SI: variants seen among roughly 807,000 people sequenced by gnomAD.
SI encodes the protein sucrase-isomaltase, intestinal.
A neutral mutation model predicts 253.3 loss-of-function variants in SI; 235 were observed. The ratio of observed to expected loss-of-function variants is 0.93; its 90% CI spans 0.83 to 1.03. The LOEUF is 1.03. Among genes scored for constraint, SI ranks in the 50% least tolerant of loss-of-function variants. The pLI, the probability that SI is intolerant of heterozygous loss-of-function variation, is 0.00. For synonymous variants in SI, 819 were observed against 712.0 expected (o/e 1.15, Z -2.39); for missense variants, 2,442 against 2,211.1 (o/e 1.10, Z -2.09).
At chr3:164,994,810 A>G (rs1276070608) in intron 40 of SI, among the ~76,000 whole-genome samples, 3 of 151,664 alleles carry the variant, frequency 2.0e-5, no homozygotes, top group African/African-American at 4.8e-5. Flanking sequence ...GTGACCATGC[A>G]CATTGTGGGT....
intron 12 of SI, among the ~76,000 whole-genome samples, chr3:165,057,675 G>T (rs1342820796): frequency 6.6e-5 from 10 of 150,558 alleles, no homozygotes; most frequent in Admixed American, 5.3e-4. Flanking sequence ...GGAGAGAGTG[G>T]CATGACATAT....
At chr3:165,032,928 T>C (rs1712327608) in intron 23 of SI, among the ~76,000 whole-genome samples, 2 of 151,488 alleles carry the variant, frequency 1.3e-5, no homozygotes, top group Non-Finnish European at 3.0e-5. Flanking sequence ...AACACATATA[T>C]ACTCATTCTA....
chr3:165,072,595 A>G (rs144700864), intron 3 of SI, among the ~76,000 whole-genome samples: 169 of 152,112 alleles, frequency 1.1e-3, no homozygotes, highest in African/African-American at 3.8e-3. Context: ...TAATAGAAAA[A>G]TGCTACCTTG....
intron 24 of SI, among the ~76,000 whole-genome samples, chr3:165,032,308 T>C (rs1712290581): frequency 6.6e-6 from 1 of 151,046 alleles, no homozygotes; most frequent in Admixed American, 6.6e-5. Context: ...AGCAAGGAAT[T>C]CCCTTCATGT....
At chr3:165,001,431 G>C (rs942482097) in intron 37 of SI, among the ~76,000 whole-genome samples, 1 of 151,440 alleles carries the variant, frequency 6.6e-6, no homozygotes, top group Non-Finnish European at 1.5e-5. Context: ...CATTAGATCA[G>C]AAAATGTAAT....
At chr3:165,032,948 TTGA>T (rs1712329783) in intron 23 of SI, among the ~76,000 whole-genome samples, 1 of 151,386 alleles carries the variant, frequency 6.6e-6, no homozygotes, top group Non-Finnish European at 1.5e-5. Context: ...AGTCCTAACA[TTGA>T]TGAAGAATAA....
At chr3:165,056,879 G>C (rs1392239868) in intron 12 of SI, among the ~76,000 whole-genome samples, 1 of 152,026 alleles carries the variant, frequency 6.6e-6, no homozygotes, top group African/African-American at 2.4e-5. Flanking sequence ...GCAAAAACAA[G>C]CCTAGACTGT....
upstream of SI, among the ~76,000 whole-genome samples, chr3:165,078,671 G>T (rs146486438): frequency 1.3e-5 from 2 of 151,536 alleles, no homozygotes; most frequent in Non-Finnish European, 3.0e-5. Context: ...ATTAGTAATT[G>T]TACTGTCAGA....
At chr3:165,026,124 A>G (rs1165653320) in intron 25 of SI, among the ~76,000 whole-genome samples, 1 of 151,230 alleles carries the variant, frequency 6.6e-6, no homozygotes, top group African/African-American at 2.4e-5. Flanking sequence ...CAAACTCAAG[A>G]TAAAGGGGTA....
chr3:164,984,983 A>T (rs1331784069), intron 45 of SI, among the ~76,000 whole-genome samples: 1 of 152,212 alleles, frequency 6.6e-6, no homozygotes, highest in Non-Finnish European at 1.5e-5. Context: ...ATACTAAATT[A>T]TACCAAATAT....
At position 165,055,255 on chromosome 3, in the gene SI, T is replaced by C; in HGVS notation, c.1451A>G (p.Asp484Gly). ...YPDFTNPNCI[D>G]WWANECSIFH... ...AATACTGCATTCATTTGCCCACCAA[T>C]CAATGCAGTTTGGGTTAGTGAAATC... Residue 484 changes from aspartate to glycine, a missense_variant, in exon 13 of 48, where the codon GAT (aspartate) becomes GGT (glycine). By Grantham distance (94) the Asp-to-Gly change is moderately conservative. Transcript: ENST00000264382. 1 of 1,612,004 alleles carries C rather than the reference T, an allele frequency of 6.2e-7. No individual in the cohort carries two copies. Among genetic ancestry groups the C allele is most frequent in the South Asian group, 1.1e-5 (1 of 91,054 alleles).
intron 7 of SI, among the ~76,000 whole-genome samples, chr3:165,064,094 A>C (rs1170008983): frequency 6.6e-6 from 1 of 151,530 alleles, no homozygotes; most frequent in Admixed American, 6.6e-5. Context: ...AAAATAAAAA[A>C]TAAAAATAAA....
At chr3:165,016,772 G>T (rs1008510719) in intron 31 of SI, among the ~76,000 whole-genome samples, 6 of 151,780 alleles carry the variant, frequency 4.0e-5, no homozygotes, top group African/African-American at 1.4e-4. Context: ...TCTTCTATGT[G>T]TTATAGAAAG....
chr3:164,989,413 A>AAAG (rs1717615889), intron 44 of SI, among the ~76,000 whole-genome samples: 1 of 149,046 alleles, frequency 6.7e-6, no homozygotes, highest in Non-Finnish European at 1.5e-5. Context: ...AGAAAGAAAG[A>AAAG]AAGAAAGAAA....
chr3:164,979,567 T>G, intron 47 of SI, 137 bp from the exon 48 acceptor site: 1 of 548,060 alleles, frequency 1.8e-6, no homozygotes, highest in Non-Finnish European at 3.2e-6. Context: ...ATTTTTACTC[T>G]CAGAAAGTTT....
At chr3:165,015,891 C>T in intron 32 of SI, 61 bp downstream of exon 32, 1 of 1,433,208 alleles carries the variant, frequency 7.0e-7, no homozygotes, top group Admixed American at 1.7e-5. Flanking sequence ...CCCCCACCTG[C>T]TCATTTTAGG....
At chr3:164,996,900 T>A (rs2108136112) in intron 38 of SI, 128 bp from the exon 39 acceptor site, 2 of 511,242 alleles carry the variant, frequency 3.9e-6, no homozygotes, top group Admixed American at 3.8e-5. Flanking sequence ...TTTTTCAGAT[T>A]ATTAATATAA....
chr3:165,063,655 T>C (rs1340264009), intron 7 of SI, 114 bp from the exon 8 acceptor site: 1 of 567,802 alleles, frequency 1.8e-6, no homozygotes, highest in Non-Finnish European at 3.2e-6. Flanking sequence ...ACTTCTCCTG[T>C]TTCTACACAA....
chr3:164,997,935 G>A (rs1042910319), intron 38 of SI, among the ~76,000 whole-genome samples: 2 of 151,630 alleles, frequency 1.3e-5, no homozygotes, highest in Admixed American at 6.6e-5. Context: ...TAGCGAACTG[G>A]CGAATTCCAT....
Sources: allele counts gnomAD v4.1 joint callset (sites outside exome capture counted in the v4.1 genomes callset), GRCh38; gene constraint gnomAD v4.1.1; transcripts MANE v1.5; gene names NCBI Gene and HGNC (gene_info 2026-07-23, HGNC 2026-07-21).